The following XRCC4 variants were observed in gnomAD, a reference collection of about 807,000 sequenced individuals.
XRCC4 encodes the protein DNA repair protein XRCC4.
XRCC4 carries 28 observed loss-of-function variants against 39.1 expected under a neutral mutation model. That is an observed-to-expected ratio of 0.72 (90% CI 0.53 to 0.98). The LOEUF (loss-of-function observed/expected upper bound fraction) is 0.98, where lower values mean the gene tolerates loss of function less well. Among genes scored for constraint, XRCC4 ranks in the 50% least tolerant of loss-of-function variants. XRCC4 has a pLI of 0.00. For synonymous variants in XRCC4, 123 were observed against 126.4 expected (o/e 0.97, Z 0.18); for missense variants, 350 against 376.4 (o/e 0.93, Z 0.58).
intron 3 of XRCC4, among the ~76,000 whole-genome samples, chr5:83,129,502 A>G (rs1389714606): frequency 6.6e-6 from 1 of 152,020 alleles, no homozygotes; most frequent in African/African-American, 2.4e-5. Context: ...GTTTTTTTCA[A>G]TTCTGTGAAG....
intron 6 of XRCC4, among the ~76,000 whole-genome samples, chr5:83,256,074 A>G (rs999182981): frequency 2.0e-5 from 3 of 152,220 alleles, no homozygotes; most frequent in Non-Finnish European, 2.9e-5. Flanking sequence ...ATCAATAGGC[A>G]TGCATTTTGT....
At chr5:83,345,868 T>C (rs1232154013) in intron 7 of XRCC4, among the ~76,000 whole-genome samples, 1 of 152,200 alleles carries the variant, frequency 6.6e-6, no homozygotes, top group African/African-American at 2.4e-5. Flanking sequence ...GATTAGACTT[T>C]CTTTTTAATA....
intron 1 of XRCC4, among the ~76,000 whole-genome samples, chr5:83,094,205 T>C (rs184473091): frequency 9.3e-4 from 142 of 152,230 alleles, no homozygotes; most frequent in Non-Finnish European, 1.7e-3. Context: ...ATCTACCTAC[T>C]TTGTTTTTCT....
At chr5:83,303,358 A>G (rs1755362626) in intron 7 of XRCC4, among the ~76,000 whole-genome samples, 1 of 152,164 alleles carries the variant, frequency 6.6e-6, no homozygotes, top group African/African-American at 2.4e-5. Flanking sequence ...AGTTTCAAAT[A>G]TATCTTATAG....
chr5:83,241,240 CAAA>C (rs541873201), intron 6 of XRCC4, among the ~76,000 whole-genome samples: 3 of 60,886 alleles, frequency 4.9e-5, no homozygotes, highest in Non-Finnish European at 7.6e-5. Context: ...AAGACTCTGT[CAAA>C]AAAAAAAAAA....
chr5:83,151,877 T>C (rs1250968421), intron 3 of XRCC4, among the ~76,000 whole-genome samples: 2 of 152,330 alleles, frequency 1.3e-5, no homozygotes, highest in South Asian at 2.1e-4. Context: ...TTCAGTTCAG[T>C]GGAGATTATT....
chr5:83,360,063 G>A, the XRCC4 span, among the ~76,000 whole-genome samples: 1 of 152,076 alleles, frequency 6.6e-6, no homozygotes, highest in African/African-American at 2.4e-5. Context: ...CACAAAGATG[G>A]CCACCATTGG....
chr5:83,080,175 A>C (rs1172395248), intron 1 of XRCC4, among the ~76,000 whole-genome samples: 1 of 152,138 alleles, frequency 6.6e-6, no homozygotes, highest in Non-Finnish European at 1.5e-5. Context: ...TCCTTATCTG[A>C]GGTTTTGATT....
At chr5:83,241,166 C>T (rs896492159) in intron 6 of XRCC4, among the ~76,000 whole-genome samples, 5 of 151,400 alleles carry the variant, frequency 3.3e-5, no homozygotes, top group African/African-American at 1.2e-4. Flanking sequence ...GCTTGAACCT[C>T]CAGGTGGTGG....
intron 3 of XRCC4, among the ~76,000 whole-genome samples, chr5:83,193,840 T>C (rs372993586): frequency 2.4e-4 from 37 of 152,372 alleles, no homozygotes; most frequent in African/African-American, 8.4e-4. Context: ...ACCTATTGTC[T>C]AAAATAAAGT....
chr5:83,270,447 C>G (rs75222636), intron 7 of XRCC4, among the ~76,000 whole-genome samples: 2,859 of 152,238 alleles, frequency 0.019, 84 homozygotes, highest in African/African-American at 0.064. Context: ...CTCATGCTTT[C>G]TACTTCTGCT....
chr5:83,131,181 A>G (rs1747558318), intron 3 of XRCC4, among the ~76,000 whole-genome samples: 1 of 152,086 alleles, frequency 6.6e-6, no homozygotes, highest in Non-Finnish European at 1.5e-5. Context: ...CTTTGTTCTC[A>G]TTGGTTTCAA....
At chr5:83,363,376 C>G in the XRCC4 span, among the ~76,000 whole-genome samples, 3 of 152,194 alleles carry the variant, frequency 2.0e-5, no homozygotes, top group African/African-American at 2.4e-5. Context: ...TAAGAATTTA[C>G]ATTTTAACCT....
chr5:83,100,759 G>A (rs925362532), intron 1 of XRCC4, among the ~76,000 whole-genome samples: 2 of 150,278 alleles, frequency 1.3e-5, no homozygotes, highest in African/African-American at 2.4e-5. Flanking sequence ...TTAGAATTAT[G>A]TAAGCCTTGA....
intron 2 of XRCC4, among the ~76,000 whole-genome samples, chr5:83,110,218 A>G (rs775919267): frequency 1.3e-5 from 2 of 151,944 alleles, no homozygotes; most frequent in Non-Finnish European, 2.9e-5. Flanking sequence ...TAAAACAAGA[A>G]TTTTTCCACA....
At chr5:83,339,027 C>T (rs1471574011) in intron 7 of XRCC4, among the ~76,000 whole-genome samples, 1 of 151,526 alleles carries the variant, frequency 6.6e-6, no homozygotes, top group Non-Finnish European at 1.5e-5. Flanking sequence ...TGAGCGTAGA[C>T]TGTGTCCCCA....
At chr5:83,309,637 G>A (rs1005734123) in intron 7 of XRCC4, among the ~76,000 whole-genome samples, 2 of 151,368 alleles carry the variant, frequency 1.3e-5, no homozygotes, top group East Asian at 2.0e-4. Context: ...GGTGGCGGGC[G>A]CCTGTAGTCC....
At chr5:83,117,832 T>C (rs1029368521) in intron 3 of XRCC4, among the ~76,000 whole-genome samples, 4 of 152,074 alleles carry the variant, frequency 2.6e-5, no homozygotes, top group African/African-American at 7.2e-5. Flanking sequence ...GCTGCACTTA[T>C]GAAGCCATCA....
chr5:83,325,463 C>T (rs1363778743), intron 7 of XRCC4, among the ~76,000 whole-genome samples: 1 of 152,038 alleles, frequency 6.6e-6, no homozygotes, highest in African/African-American at 2.4e-5. Flanking sequence ...CTCCCTCCCC[C>T]AACACCCCTC....
Sources: allele counts gnomAD v4.1 joint callset (sites outside exome capture counted in the v4.1 genomes callset), GRCh38; gene constraint gnomAD v4.1.1; transcripts MANE v1.5; gene names NCBI Gene and HGNC (gene_info 2026-07-23, HGNC 2026-07-21).